The following WDFY4 variants were observed in gnomAD, a reference collection of about 807,000 sequenced individuals.
The protein encoded by WDFY4 is WD repeat- and FYVE domain-containing protein 4.
WDFY4 carries 169 observed loss-of-function variants against 351.9 expected under a neutral mutation model. The ratio of observed to expected loss-of-function variants is 0.48; its 90% CI spans 0.42 to 0.55. WDFY4 has a LOEUF of 0.55. Among genes scored for constraint, WDFY4 ranks in the 20% least tolerant of loss-of-function variants. WDFY4 has a pLI of 0.00. For missense variants in WDFY4, 3,803 were observed against 3,935.6 expected, an observed-to-expected ratio of 0.97 and a Z score of 0.90; for synonymous variants, 1,622 against 1,574.6, an observed-to-expected ratio of 1.03 and a Z score of -0.71.
chr10:48,953,426 T>C (rs1407257109), intron 51 of WDFY4, among the ~76,000 whole-genome samples: 2 of 151,044 alleles, frequency 1.3e-5, no homozygotes, highest in African/African-American at 2.4e-5. Flanking sequence ...GTTAAAGAGA[T>C]TAAGAAACTC....
intron 31 of WDFY4, among the ~76,000 whole-genome samples, chr10:48,816,421 C>T (rs1018516203): frequency 4.6e-5 from 7 of 152,166 alleles, no homozygotes; most frequent in Non-Finnish European, 7.3e-5. Flanking sequence ...TTCACATTTT[C>T]TAATGTCCAT....
Position 48,810,600 on chromosome 10 carries a change from G to T in WDFY4, c.4909G>T (p.Ala1637Ser). 6.4e-7 allele frequency: 1 copy of T among 1,551,550 alleles called. No individual in the cohort carries two copies. ...GCTGCTCCTGCAGGGCCACCTGCAT[G>T]CCAGCACCACTGTGCTGGCATTGAA... ...FLLLLQGHLH[A>S]STTVLALKLL... Residue 1637 changes from alanine to serine, a missense_variant, in exon 29 of 62, where the codon GCC becomes TCC. Around this residue, in one of 3 missense-constraint regions of WDFY4, gnomAD observed 3,054 missense variants for 3,148.6 expected, o/e 0.97. Coordinates refer to ENST00000325239, the MANE Select transcript of WDFY4 (RefSeq NM_001394531.1).
chr10:48,870,320 G>C (rs994473674), intron 40 of WDFY4, among the ~76,000 whole-genome samples: 1 of 152,174 alleles, frequency 6.6e-6, no homozygotes, highest in African/African-American at 2.4e-5. Flanking sequence ...AGGATTGTTT[G>C]ATGACAGGAG....
At chr10:48,743,596 C>T (rs1442274766) in intron 12 of WDFY4, 48 bp downstream of exon 12, 2 of 1,496,658 alleles carry the variant, frequency 1.3e-6, no homozygotes, top group Non-Finnish European at 1.8e-6. Flanking sequence ...GTCTCCCATT[C>T]TCACTCTAAC....
intron 23 of WDFY4, among the ~76,000 whole-genome samples, chr10:48,793,774 T>G (rs1034331799): frequency 6.6e-6 from 1 of 152,218 alleles, no homozygotes; most frequent in Non-Finnish European, 1.5e-5. Context: ...AACAGGGGTC[T>G]TCAATTAAGT....
chr10:48,970,059 C>A, intron 56 of WDFY4, 72 bp from the exon 57 acceptor site: 2 of 1,498,178 alleles, frequency 1.3e-6, no homozygotes, highest in Non-Finnish European at 1.8e-6. Flanking sequence ...GCCCACATAC[C>A]CCCGTGACTC....
At chr10:48,959,430 G>T (rs1391860556) in intron 52 of WDFY4, among the ~76,000 whole-genome samples, 1 of 152,194 alleles carries the variant, frequency 6.6e-6, no homozygotes, top group East Asian at 1.9e-4. Flanking sequence ...GTACAGTGCA[G>T]AGGAAGATAT....
chr10:48,962,620 A>C (rs900706737), intron 53 of WDFY4, among the ~76,000 whole-genome samples: 1 of 152,182 alleles, frequency 6.6e-6, no homozygotes, highest in African/African-American at 2.4e-5. Flanking sequence ...TCTATGCATG[A>C]AAGATCCAGC....
chr10:48,830,121 G>A (rs2068138938), intron 37 of WDFY4, among the ~76,000 whole-genome samples: 1 of 152,176 alleles, frequency 6.6e-6, no homozygotes, highest in Admixed American at 6.5e-5. Flanking sequence ...TACAGATGTG[G>A]GGCACAGCAG....
chr10:48,798,573 G>A (rs567426076), intron 24 of WDFY4, among the ~76,000 whole-genome samples: 43 of 152,228 alleles, frequency 2.8e-4, no homozygotes, highest in African/African-American at 9.2e-4. Flanking sequence ...TTTTCAGAGC[G>A]CACTCTAAAA....
At chr10:48,975,863 T>C (rs1183499084) in intron 58 of WDFY4, among the ~76,000 whole-genome samples, 1 of 151,864 alleles carries the variant, frequency 6.6e-6, no homozygotes, top group African/African-American at 2.4e-5. Flanking sequence ...AATAGGTGGA[T>C]GGAAAGATGG....
chr10:48,700,096 G>T (rs942418158), intron 1 of WDFY4, among the ~76,000 whole-genome samples: 2 of 152,168 alleles, frequency 1.3e-5, no homozygotes, highest in Non-Finnish European at 2.9e-5. Context: ...GTTTCTCCAG[G>T]AGGGCAGGTT....
At chr10:48,961,660 TCA>T (rs1841865785) in intron 53 of WDFY4, among the ~76,000 whole-genome samples, 1 of 152,098 alleles carries the variant, frequency 6.6e-6, no homozygotes, top group Non-Finnish European at 1.5e-5. Context: ...AGGCCAGAGA[TCA>T]CAGTCACTGA....
At chr10:48,854,540 C>A (rs1156575244) in intron 39 of WDFY4, among the ~76,000 whole-genome samples, 1 of 152,206 alleles carries the variant, frequency 6.6e-6, no homozygotes, top group Non-Finnish European at 1.5e-5. Flanking sequence ...CATAACATCT[C>A]AGCACAATAG....
At chr10:48,875,060 A>C (rs1177097432) in intron 41 of WDFY4, 29 bp from the exon 42 acceptor site, 1 of 1,407,428 alleles carries the variant, frequency 7.1e-7, no homozygotes, top group Non-Finnish European at 9.5e-7. Flanking sequence ...TCCAGGATTT[A>C]ATTTTTCTTT....
chr10:48,823,182 A>G, intron 35 of WDFY4: 1 of 1,293,358 alleles, frequency 7.7e-7, no homozygotes, highest in South Asian at 1.2e-5. Flanking sequence ...TTTTTTTTAG[A>G]TCTCAGCCCC....
intron 47 of WDFY4, among the ~76,000 whole-genome samples, chr10:48,930,799 A>AC (rs35231364): frequency 6.6e-6 from 1 of 152,160 alleles, no homozygotes; most frequent in Non-Finnish European, 1.5e-5. Flanking sequence ...ACAAAAAAAA[A>AC]TTATTTCCCA....
chr10:48,898,553 C>T (rs1837204468), intron 45 of WDFY4, among the ~76,000 whole-genome samples: 1 of 152,192 alleles, frequency 6.6e-6, no homozygotes, highest in African/African-American at 2.4e-5. Context: ...ATTGATTCAT[C>T]CAGTGACCCC....
intron 47 of WDFY4, among the ~76,000 whole-genome samples, chr10:48,907,651 C>T (rs940926821): frequency 1.3e-5 from 2 of 152,192 alleles, no homozygotes; most frequent in African/African-American, 4.8e-5. Context: ...AGAGGCACCA[C>T]AGTTAGCTGG....
Sources: gnomAD v4.1 joint callset for allele counts (sites outside exome capture counted in the v4.1 genomes callset) on GRCh38, gnomAD v4.1.1 for gene constraint, gnomAD v4.1.1 regional missense constraint, MANE v1.5 for transcripts, NCBI Gene and HGNC (gene_info 2026-07-23, HGNC 2026-07-21) for gene names.